The following CENPE variants were observed in gnomAD, a reference collection of about 807,000 sequenced individuals.
CENPE encodes the protein centromere protein E, also known as centromere-associated protein E.
Under a neutral mutation model 336.1 loss-of-function variants are expected in CENPE, and 145 were observed. The ratio of observed to expected loss-of-function variants is 0.43; its 90% CI spans 0.38 to 0.50. The LOEUF (loss-of-function observed/expected upper bound fraction) is 0.50. CENPE is among the 20% of genes least tolerant of loss of function. The pLI, the probability that CENPE is intolerant of heterozygous loss-of-function variation, is 0.00. For missense variants in CENPE, 2,719 were observed against 3,023.3 expected, an observed-to-expected ratio of 0.90 and a Z score of 2.36; for synonymous variants, 1,013 against 984.8, an observed-to-expected ratio of 1.03 and a Z score of -0.54.
chr4:103,159,459 T>A (rs982815281), intron 21 of CENPE, 135 bp from the exon 22 acceptor site: 1 of 512,732 alleles, frequency 2.0e-6, no homozygotes, highest in East Asian at 3.3e-5. Context: ...AAAGGCAATA[T>A]AGTAGTACTC....
chr4:103,127,250 G>A (rs777088758), intron 42 of CENPE, among the ~76,000 whole-genome samples: 3 of 151,932 alleles, frequency 2.0e-5, no homozygotes, highest in Non-Finnish European at 2.9e-5. Flanking sequence ...ACCTATAGGG[G>A]AGTGAAGATA....
At chr4:103,170,106 G>A (rs1755270007) in intron 16 of CENPE, among the ~76,000 whole-genome samples, 1 of 152,164 alleles carries the variant, frequency 6.6e-6, no homozygotes, top group African/African-American at 2.4e-5. Flanking sequence ...ACACAGGGAG[G>A]GGAACATCAC....
intron 43 of CENPE, among the ~76,000 whole-genome samples, chr4:103,120,712 T>C (rs1412519774): frequency 6.6e-6 from 1 of 152,118 alleles, no homozygotes; most frequent in Non-Finnish European, 1.5e-5. Flanking sequence ...TAAAGTAATA[T>C]ATATTTATCT....
intron 33 of CENPE, among the ~76,000 whole-genome samples, chr4:103,144,038 G>A (rs530481081): frequency 8.9e-4 from 135 of 152,128 alleles, no homozygotes; most frequent in Middle Eastern, 6.8e-3. Context: ...CTGGGTTCAC[G>A]CCATTCTCCT....
chr4:103,149,380 T>C lies in CENPE; in HGVS notation c.3425A>G (p.Gln1142Arg). 6.4e-7 allele frequency: 1 copy of C among 1,572,206 alleles called. No homozygotes were observed. The highest frequency in any genetic ancestry group is 8.6e-7 in the Non-Finnish European group (1 of 1,165,626). The change falls in exon 27 of 49, where the codon CAA (glutamine) becomes CGA (arginine). Residue 1142 changes from glutamine (Q) to arginine (R), a missense_variant. By Grantham distance (43) the Gln-to-Arg change is conservative (BLOSUM62 1). Coordinates refer to ENST00000265148, the MANE Select transcript of CENPE (RefSeq NM_001813.3). ...KSQQLQEKQQ[Q>R]LLNVQEEMSE... ...CATCTCTTCTTGTACATTAAGAAGT[T>C]GTTGCTGTTTTTCTTGGAGTTGCTG...
chr4:103,172,058 A>G (rs911869560), intron 16 of CENPE, among the ~76,000 whole-genome samples: 4 of 152,034 alleles, frequency 2.6e-5, no homozygotes, highest in African/African-American at 9.7e-5. Context: ...ACTAATAGCA[A>G]TTCTTCTCAA....
chr4:103,196,593 TA>T (rs1330294182), intron 2 of CENPE, among the ~76,000 whole-genome samples, 165 bp downstream of exon 2: 2 of 152,214 alleles, frequency 1.3e-5, no homozygotes, highest in Admixed American at 6.5e-5. Context: ...GCCAATTGGT[TA>T]CCTTACTTAA....
At chr4:103,133,042 T>A (rs1461025920) in intron 41 of CENPE, 146 bp from the exon 42 acceptor site, 1 of 174,720 alleles carries the variant, frequency 5.7e-6, no homozygotes, top group African/African-American at 2.4e-5. Context: ...TAATATCATT[T>A]CTTAATATTT....
chr4:103,114,463 T>C lies in CENPE; in HGVS notation c.7532A>G (p.Asp2511Gly), dbSNP rs1449785723. The part of the protein sequence containing the change: ...ENLRRSQQAQ[D>G]TSVISEHTDP... Reference sequence around the variant, plus strand: ...CTGCATTTTCTACTTACCTGAGGTATCTTGGGCCTGTTGACTTCTTCTGAG... The same window carrying C: ...CTGCATTTTCTACTTACCTGAGGTACCTTGGGCCTGTTGACTTCTTCTGAG... Residue 2511 changes from aspartate (D) to glycine (G), a missense_variant, in exon 46 of 49, where the codon GAT becomes GGT. Transcript: ENST00000265148. 2 of 1,595,440 alleles carry C rather than the reference T, an allele frequency of 1.3e-6. No individual in the cohort carries two copies. The highest frequency in any genetic ancestry group is 1.3e-5 in the African/African-American group (1 of 74,590).
At chr4:103,149,049 C>T (rs1753313737) in intron 27 of CENPE, 50 bp from the exon 28 acceptor site, 3 of 1,591,708 alleles carry the variant, frequency 1.9e-6, no homozygotes, top group Non-Finnish European at 2.6e-6. Flanking sequence ...CAACATTGCT[C>T]CCCTCTTTCC....
intron 42 of CENPE, among the ~76,000 whole-genome samples, chr4:103,127,638 G>T (rs1005855072): frequency 5.3e-5 from 8 of 152,000 alleles, no homozygotes; most frequent in Non-Finnish European, 1.0e-4. Flanking sequence ...TGGATGGGAG[G>T]GAGAAATTAT....
chr4:103,159,201 C>A lies in CENPE; in HGVS notation c.2410G>T (p.Asp804Tyr), dbSNP rs1578631372. 2 of 1,612,556 alleles carry A rather than the reference C, an allele frequency of 1.2e-6. No homozygotes were observed. Among genetic ancestry groups the A allele is most frequent in the African/African-American group, 2.7e-5 (2 of 74,860 alleles). Residue 804 changes from aspartate to tyrosine, a missense_variant, in exon 22 of 49, where the codon GAC becomes TAC. Transcript: ENST00000265148. ...LLEEIGKTKDDLATTQSNYKS... is the reference protein window; with the variant it reads ...LLEEIGKTKDYLATTQSNYKS... ...TAATTCGACTGTGTAGTTGCTAGGT[C>A]ATCTTTTGTTTTCCCAATTTCTTCA...
rs1204080728 is a variant in CENPE at position 103,140,909 on chromosome 4, C to T, written c.5659G>A (p.Val1887Ile). 3 of 1,612,366 alleles carry T rather than the reference C, an allele frequency of 1.9e-6. No individual in the cohort carries two copies. The South Asian group carries it at 3.3e-5, about 18-fold the overall frequency. ...CTTAGATTATCTCTTTCTTTCATTA[C>T]AGATTTCATTTCTTCAAGGTTTTCA... ...LHENLEEMKS[V>I]MKERDNLRRV... is the part of the protein sequence containing the mutation. Residue 1887 changes from valine (V) to isoleucine (I), a missense_variant, in exon 36 of 49, where the codon GTA becomes ATA. This residue lies in a region of CENPE where 2,437 missense variants were observed against 2,513.3 expected (regional missense o/e 0.97). Coordinates refer to ENST00000265148, the MANE Select transcript of CENPE (RefSeq NM_001813.3).
chr4:103,158,324 T>G lies in CENPE; in HGVS notation c.3009A>C (p.Glu1003Asp), dbSNP rs970107183. ...CCTTTTGCTGAAATTCATCTTTAGT[T>G]TCTCCTGTATTTTCCTCCATATGCA... ...RNLHMEENTGETKDEFQQKMV... is the reference protein window; with the variant it reads ...RNLHMEENTGDTKDEFQQKMV... The change falls in exon 24 of 49, where the codon GAA becomes GAC. Residue 1003 changes from glutamate (E) to aspartate (D), a missense_variant. Physicochemically the swap from Glu to Asp is conservative, Grantham distance 45. Transcript: ENST00000265148. 1.2e-6 allele frequency: 2 copies of G among 1,605,776 alleles called. No individual in the cohort carries two copies. Among genetic ancestry groups the G allele is most frequent in the African/African-American group, 2.7e-5 (2 of 74,450 alleles).
At chr4:103,122,767 A>G (rs1309746653) in intron 43 of CENPE, 104 bp downstream of exon 43, 7 of 839,646 alleles carry the variant, frequency 8.3e-6, no homozygotes, top group Non-Finnish European at 1.4e-5. Context: ...ATCACTTACA[A>G]AAATAAATGT....
intron 35 of CENPE, 30 bp downstream of exon 35, chr4:103,141,720 T>C (rs760758990): frequency 1.4e-6 from 2 of 1,444,696 alleles, no homozygotes; most frequent in African/African-American, 1.4e-5. Flanking sequence ...AAATTAGATA[T>C]CCAATCAAAC....
At chr4:103,158,970 A>C (rs951918951) in intron 22 of CENPE, 40 bp downstream of exon 22, 3 of 1,533,396 alleles carry the variant, frequency 2.0e-6, no homozygotes, top group Admixed American at 2.2e-5. Flanking sequence ...AAACCCCAGA[A>C]GACTAAGGAG....
intron 45 of CENPE, chr4:103,116,360 C>T (rs1241201664): frequency 1.7e-5 from 5 of 297,116 alleles, no homozygotes; most frequent in South Asian, 6.1e-5. Context: ...AAAGACACAG[C>T]GTGTTAATTG....
chr4:103,149,034 T>G, intron 27 of CENPE, 35 bp from the exon 28 acceptor site: 2 of 1,600,662 alleles, frequency 1.2e-6, no homozygotes, highest in East Asian at 2.2e-5. Flanking sequence ...ATTGTAATAT[T>G]CTTCCAACAT....
Sources: gnomAD v4.1 joint callset for allele counts (sites outside exome capture counted in the v4.1 genomes callset) on GRCh38, gnomAD v4.1.1 for gene constraint, gnomAD v4.1.1 regional missense constraint, MANE v1.5 for transcripts, NCBI Gene and HGNC (gene_info 2026-07-23, HGNC 2026-07-21) for gene names.